Variants in MMP26 observed in about 807,000 individuals in gnomAD.
MMP26 encodes matrix metallopeptidase 26.
A neutral mutation model predicts 31.0 loss-of-function variants in MMP26; 33 were observed. That is an observed-to-expected ratio of 1.06 (90% CI 0.81 to 1.42). The LOEUF is 1.42. Among genes scored for constraint, MMP26 ranks in the 40% most tolerant of loss-of-function variants. MMP26 has a pLI of 0.00. For missense variants in MMP26, 347 were observed against 316.1 expected (o/e 1.10, Z -0.74); for synonymous variants, 122 against 114.9 (o/e 1.06, Z -0.40).
chr11:4,823,139 G>T (rs770877446), intron 2 of MMP26, among the ~76,000 whole-genome samples: 2 of 152,072 alleles, frequency 1.3e-5, no homozygotes, highest in Non-Finnish European at 2.9e-5. Flanking sequence ...GCAGAGCAAA[G>T]GCTGGCTGAT....
intron 1 of MMP26, among the ~76,000 whole-genome samples, chr11:4,741,919 T>C (rs921750843): frequency 5.3e-5 from 8 of 152,116 alleles, no homozygotes; most frequent in Non-Finnish European, 8.8e-5. Context: ...AGAACAAACA[T>C]ATGGCTATGT....
intron 2 of MMP26, among the ~76,000 whole-genome samples, chr11:4,888,566 C>A (rs1850574709): frequency 6.6e-6 from 1 of 152,016 alleles, no homozygotes; most frequent in Admixed American, 6.6e-5. Context: ...AAAACTTTTT[C>A]CTATTTTTTA....
At chr11:4,935,347 G>A (rs1266920212) in intron 2 of MMP26, among the ~76,000 whole-genome samples, 1 of 151,824 alleles carries the variant, frequency 6.6e-6, no homozygotes, top group African/African-American at 2.4e-5. Flanking sequence ...AATTGCGAAT[G>A]GGAGTTCACT....
intron 2 of MMP26, among the ~76,000 whole-genome samples, chr11:4,834,250 C>T (rs189050432): frequency 3.1e-4 from 47 of 152,170 alleles, no homozygotes; most frequent in Non-Finnish European, 5.0e-4. Context: ...AATTGAGGGG[C>T]GCTCCATATT....
In MMP26 at chr11:4,709,224, C is replaced by T. The variant is rs112588690; in HGVS notation, c.-217+4179C>T. Among the ~76,000 whole-genome samples the T allele has an allele frequency of 3.9e-3, 594 of 152,090 alleles. 8 individuals are homozygous for T. Among genetic ancestry groups the T allele is most frequent in the African/African-American group, 0.013 (552 of 41,496 alleles). ...GCTGTCCGGAAATATCCCATCTGCC[C>T]GTGTACATACAGTCATAGAAATGGG... is the stretch of plus-strand genomic sequence containing the variant. On this transcript the variant is annotated intron_variant, in intron 1 of 7. Coordinates refer to ENST00000380390, the MANE Select transcript of MMP26 (RefSeq NM_021801.5).
intron 2 of MMP26, among the ~76,000 whole-genome samples, chr11:4,797,489 G>T (rs1380665774): frequency 6.6e-6 from 1 of 152,064 alleles, no homozygotes; most frequent in African/African-American, 2.4e-5. Flanking sequence ...CACTATGATT[G>T]CTCTGTTTCT....
chr11:4,743,710 C>T (rs966219501), intron 1 of MMP26, among the ~76,000 whole-genome samples: 3 of 152,122 alleles, frequency 2.0e-5, no homozygotes, highest in South Asian at 4.1e-4. Flanking sequence ...GCATATGACC[C>T]CAGATTTCCC....
At chr11:4,942,873 A>T (rs2595996) in intron 2 of MMP26, 1 of 152,016 alleles carries the variant, frequency 6.6e-6, no homozygotes, top group Non-Finnish European at 1.5e-5. Flanking sequence ...ATTCAATTAA[A>T]TGGATTGGGT....
chr11:4,772,651 C>G (rs1848741541), intron 2 of MMP26, among the ~76,000 whole-genome samples: 1 of 152,208 alleles, frequency 6.6e-6, no homozygotes, highest in Non-Finnish European at 1.5e-5. Flanking sequence ...TTAATACTTT[C>G]AAGCACCTGA....
chr11:4,992,222 T>C lies in MMP26; in HGVS notation c.766T>C (p.Cys256Arg), dbSNP rs748472361. Reference sequence around the variant, plus strand: ...TTTTTCTGTTTCCATAGGAGAAAAATGTTCATCTGACATACCTTAATGTTA... The same window carrying C: ...TTTTTCTGTTTCCATAGGAGAAAAACGTTCATCTGACATACCTTAATGTTA... ...QRIQHLYGEK[C>R]SSDIP The change falls in exon 8 of 8, where the codon TGT becomes CGT. Residue 256 changes from cysteine (C) to arginine (R), a missense_variant. Transcript: ENST00000380390. 6.2e-7 allele frequency: 1 copy of C among 1,607,896 alleles called. No individual in the cohort carries two copies. Among genetic ancestry groups the C allele is most frequent in the South Asian group, 1.1e-5 (1 of 90,440 alleles).
intron 2 of MMP26, among the ~76,000 whole-genome samples, chr11:4,921,187 T>A (rs921121022): frequency 2.6e-5 from 4 of 152,172 alleles, no homozygotes; most frequent in African/African-American, 9.7e-5. Context: ...ACCTATCTTA[T>A]TTGAACTCTG....
chr11:4,836,636 T>C (rs1031206955), intron 2 of MMP26, among the ~76,000 whole-genome samples: 1 of 149,878 alleles, frequency 6.7e-6, no homozygotes, highest in Non-Finnish European at 1.5e-5. Context: ...ATTGAATGCT[T>C]GGAATCAAAG....
chr11:4,754,120 G>T (rs1178829343), intron 1 of MMP26, among the ~76,000 whole-genome samples: 2 of 144,812 alleles, frequency 1.4e-5, no homozygotes, highest in Non-Finnish European at 1.5e-5. Flanking sequence ...TTTTACAGAT[G>T]CATAAACTAA....
chr11:4,813,680 C>A (rs1354701139), intron 2 of MMP26, among the ~76,000 whole-genome samples: 1 of 151,986 alleles, frequency 6.6e-6, no homozygotes, highest in Non-Finnish European at 1.5e-5. Context: ...ATAAAATAAA[C>A]CTAAATTTGA....
intron 2 of MMP26, among the ~76,000 whole-genome samples, chr11:4,891,801 T>C (rs1850627427): frequency 6.6e-6 from 1 of 152,214 alleles, no homozygotes; most frequent in Non-Finnish European, 1.5e-5. Flanking sequence ...TTCACAGCTA[T>C]AGAGTGGCTC....
intron 2 of MMP26, among the ~76,000 whole-genome samples, chr11:4,956,920 A>G (rs1846452022): frequency 6.6e-6 from 1 of 152,204 alleles, no homozygotes; most frequent in Non-Finnish European, 1.5e-5. Context: ...GAGTTCCATT[A>G]CCAGATGATG....
intron 2 of MMP26, among the ~76,000 whole-genome samples, chr11:4,929,597 A>G (rs1047195239): frequency 1.3e-5 from 2 of 152,168 alleles, no homozygotes; most frequent in Admixed American, 6.6e-5. Flanking sequence ...CTGTTCATTC[A>G]AATTAATTTT....
chr11:4,907,571 G>T (rs963616634), intron 2 of MMP26: 12 of 1,613,828 alleles, frequency 7.4e-6, no homozygotes, highest in Non-Finnish European at 1.0e-5. Flanking sequence ...CATGTTGGCT[G>T]TCTCTGACAT....
chr11:4,965,110 T>C, intron 2 of MMP26, among the ~76,000 whole-genome samples: 1 of 152,144 alleles, frequency 6.6e-6, no homozygotes, highest in East Asian at 1.9e-4. Context: ...CAAAGGACTT[T>C]CCTGGAGTAT....
Sources: allele counts gnomAD v4.1 joint callset (sites outside exome capture counted in the v4.1 genomes callset), GRCh38; gene constraint gnomAD v4.1.1; transcripts MANE v1.5; gene names NCBI Gene and HGNC (gene_info 2026-07-23, HGNC 2026-07-21).